Variants in TAOK3 observed in about 807,000 individuals in gnomAD.
The protein encoded by TAOK3 is serine/threonine-protein kinase TAO3.
TAOK3 carries 40 observed loss-of-function variants against 120.4 expected under a neutral mutation model. The observed-to-expected ratio is 0.33, with a 90% CI of 0.26 to 0.43. TAOK3 has a LOEUF of 0.43. TAOK3 is among the 20% of genes least tolerant of loss of function. TAOK3 has a pLI of 1.00. For synonymous variants in TAOK3, 355 were observed against 387.5 expected (o/e 0.92, Z 0.99); for missense variants, 821 against 1,112.1 (o/e 0.74, Z 3.72).
Position 118,201,367 on chromosome 12 carries a change from G to A in TAOK3, c.916C>T (p.Arg306Ter). 6.2e-6 allele frequency: 10 copies of A among 1,613,738 alleles called. No individual in the cohort carries two copies. The highest frequency in any genetic ancestry group is 8.5e-6 in the Non-Finnish European group (10 of 1,179,854). ...TGGAAAAGTATTTTTTTCATTTTTC[G>A]GTACTGTAGGTTATCTAGCTCACGA... ...AVRELDNLQYRKMKKILFQET... is the reference protein window; with the variant it reads ...AVRELDNLQY The change falls in exon 12 of 21, where the codon CGA becomes TGA. Residue 306 changes from arginine (R) to a stop codon, truncating the protein, a stop_gained. Coordinates refer to ENST00000392533, the MANE Select transcript of TAOK3 (RefSeq NM_016281.4). LOFTEE classifies it high-confidence loss of function.
In TAOK3 at chr12:118,371,824, C is replaced by T. The variant is rs2045904792; in HGVS notation, c.-194+824G>A. 6.6e-6 allele frequency among the ~76,000 whole-genome samples: 1 copy of T among 152,024 alleles called. No individual in the cohort carries two copies. The highest frequency in any genetic ancestry group is 2.1e-4 in the South Asian group (1 of 4,822). On this transcript the variant is annotated intron_variant, in intron 1 of 20. Coordinates refer to ENST00000392533, the MANE Select transcript of TAOK3 (RefSeq NM_016281.4). The surrounding 1 kb of genome is among the most constrained non-coding windows in gnomAD (Gnocchi z 5.5). ...CTCCCTCGGGGTCCGCGCCTGCACC[C>T]GACGCTCAAAGCCCCTCTCGGAGTC... is the stretch of plus-strand genomic sequence containing the variant.
chr12:118,196,839 T>C, intron 13 of TAOK3, among the ~76,000 whole-genome samples: 1 of 152,332 alleles, frequency 6.6e-6, no homozygotes, highest in South Asian at 2.1e-4. Context: ...ACTGAGCATC[T>C]ATGCTGCGCC....
intron 1 of TAOK3, among the ~76,000 whole-genome samples, chr12:118,279,244 A>C (rs1172421275): frequency 6.6e-6 from 1 of 152,062 alleles, no homozygotes; most frequent in Non-Finnish European, 1.5e-5. Flanking sequence ...GTGTCTGTTC[A>C]TGTCCTTTGC....
Position 118,150,764 on chromosome 12 carries a change from T to C in TAOK3, c.*233A>G, listed in dbSNP as rs565974323. The C allele has an allele frequency of 7.6e-6, 4 of 525,930 alleles. No homozygotes were observed. The South Asian group carries it at 1.1e-4, about 14-fold the overall frequency. The allele number at this position is 525,930 out of a possible 1,614,324, so 32.6% of individuals were successfully genotyped here. A position where few individuals can be genotyped will look rare whatever the true frequency, so the allele number is the denominator to read the frequency against. ...TCAATACTGTGACGTGTACTGTGAATAGAAGAGACGGCCAGGTTTTGGCCA... is the reference window on the plus strand; with the variant it reads ...TCAATACTGTGACGTGTACTGTGAACAGAAGAGACGGCCAGGTTTTGGCCA... On this transcript the variant is annotated 3_prime_UTR_variant, in exon 21 of 21. Coordinates refer to ENST00000392533, the MANE Select transcript of TAOK3 (RefSeq NM_016281.4).
At position 118,160,395 on chromosome 12, in the gene TAOK3, C is replaced by T. The variant is rs777783719; in HGVS notation, c.2140-37G>A. On this transcript the variant is annotated intron_variant, in intron 18 of 20. Coordinates refer to ENST00000392533, the MANE Select transcript of TAOK3 (RefSeq NM_016281.4). This position sits in a 1 kb window ranked among gnomAD's most constrained non-coding sequence, Gnocchi z 4.2. ...AAGTGACAAAGGAAAAATAAAGGCA[C>T]ATCAGTAAATACAGAAAGCCTTCTA... The T allele has an allele frequency of 1.9e-6, 3 of 1,548,428 alleles. No individual in the cohort carries two copies. In the Admixed American group the frequency reaches 5.0e-5, roughly 26 times the overall value.
intron 13 of TAOK3, among the ~76,000 whole-genome samples, chr12:118,193,663 G>A (rs1238320032): frequency 1.3e-5 from 2 of 152,120 alleles, no homozygotes; most frequent in Non-Finnish European, 2.9e-5. Context: ...TGCCCAGGCT[G>A]GTCTTGAACT....
At chr12:118,196,614 A>G (rs116671079) in intron 13 of TAOK3, among the ~76,000 whole-genome samples, 11 of 152,350 alleles carry the variant, frequency 7.2e-5, no homozygotes, top group African/African-American at 2.6e-4. Flanking sequence ...TTTGGTATTT[A>G]TTAAGCACGT....
chr12:118,348,575 C>T (rs186929247), intron 1 of TAOK3, among the ~76,000 whole-genome samples: 3 of 151,810 alleles, frequency 2.0e-5, no homozygotes, highest in Admixed American at 6.6e-5. Flanking sequence ...CTCAACTACC[C>T]GAGTAGCTCG....
chr12:118,270,593 T>C (rs1452935639), intron 1 of TAOK3, among the ~76,000 whole-genome samples: 1 of 152,086 alleles, frequency 6.6e-6, no homozygotes, highest in Non-Finnish European at 1.5e-5. Flanking sequence ...CACTTCTCAC[T>C]TGGTCTTTGT....
intron 1 of TAOK3, among the ~76,000 whole-genome samples, chr12:118,336,722 A>T (rs1293911666): frequency 6.6e-6 from 1 of 152,230 alleles, no homozygotes; most frequent in Non-Finnish European, 1.5e-5. Flanking sequence ...TATGTAAAAA[A>T]TATCAAAAAC....
intron 19 of TAOK3, among the ~76,000 whole-genome samples, chr12:118,156,601 A>G (rs949076525): frequency 1.3e-5 from 2 of 152,180 alleles, no homozygotes; most frequent in African/African-American, 4.8e-5. Context: ...TACCAGAGAC[A>G]TCCTCCTCTG....
intron 9 of TAOK3, among the ~76,000 whole-genome samples, chr12:118,221,592 C>T (rs1200413043): frequency 6.6e-6 from 1 of 151,272 alleles, no homozygotes; most frequent in Non-Finnish European, 1.5e-5. Flanking sequence ...GAATTGGGAA[C>T]GCTTCTGAAG....
chr12:118,266,493 C>T (rs1377433437), intron 2 of TAOK3, among the ~76,000 whole-genome samples, 162 bp downstream of exon 2: 2 of 152,060 alleles, frequency 1.3e-5, no homozygotes, highest in African/African-American at 4.8e-5. Flanking sequence ...TGAGCCACCG[C>T]ACCCGGCCAA....
chr12:118,216,727 G>C (rs1476944304), intron 9 of TAOK3, among the ~76,000 whole-genome samples: 1 of 152,052 alleles, frequency 6.6e-6, no homozygotes, highest in African/African-American at 2.4e-5. Context: ...AGGAGATCGA[G>C]ACCATCCTGG....
intron 11 of TAOK3, among the ~76,000 whole-genome samples, chr12:118,205,804 T>C (rs529739277): frequency 3.3e-5 from 5 of 152,176 alleles, no homozygotes; most frequent in South Asian, 4.2e-4. Flanking sequence ...AGAGATGGGG[T>C]TTCACTATGT....
chr12:118,278,887 A>G (rs1593389787), intron 1 of TAOK3, among the ~76,000 whole-genome samples: 1 of 151,824 alleles, frequency 6.6e-6, no homozygotes, highest in Admixed American at 6.6e-5. Context: ...GCTCACCACA[A>G]CCTCCGCCTC....
At chr12:118,156,592 AC>A (rs916533109) in intron 19 of TAOK3, among the ~76,000 whole-genome samples, 3 of 152,146 alleles carry the variant, frequency 2.0e-5, no homozygotes, top group African/African-American at 7.2e-5. Context: ...CCTGTAGTCT[AC>A]CAGAGACATC....
At chr12:118,367,413 T>C (rs1037035890) in intron 1 of TAOK3, among the ~76,000 whole-genome samples, 12 of 140,508 alleles carry the variant, frequency 8.5e-5, no homozygotes, top group Non-Finnish European at 1.6e-5. Flanking sequence ...TTTGAAATAG[T>C]TTTTTTTTTT....
chr12:118,329,989 C>A (rs1322280065), intron 1 of TAOK3, among the ~76,000 whole-genome samples: 1 of 152,170 alleles, frequency 6.6e-6, no homozygotes, highest in African/African-American at 2.4e-5. Context: ...AGTCAGAACT[C>A]TGTATCAACA....
Sources: allele counts gnomAD v4.1 joint callset (sites outside exome capture counted in the v4.1 genomes callset), GRCh38; gene constraint gnomAD v4.1.1; non-coding constraint Gnocchi (gnomAD v3.1); transcripts MANE v1.5; gene names NCBI Gene and HGNC (gene_info 2026-07-23, HGNC 2026-07-21).